The following MAGI2 variants were observed in gnomAD, a reference collection of about 807,000 sequenced individuals.
MAGI2 encodes membrane-associated guanylate kinase, WW and PDZ domain-containing protein 2.
In MAGI2, 35 loss-of-function variants were observed where a neutral mutation model predicts 133.3. The observed-to-expected ratio is 0.26, with a 90% CI of 0.20 to 0.35. The LOEUF (loss-of-function observed/expected upper bound fraction) is 0.35, where lower values mean the gene tolerates loss of function less well. Ranked by LOEUF, MAGI2 falls within the 10% of genes least tolerant of loss-of-function variation. The probability of loss-of-function intolerance (pLI) is 1.00; values close to 1 mark genes in which losing one functional copy is unlikely to be tolerated. For synonymous variants in MAGI2, 729 were observed against 710.6 expected (o/e 1.03, Z -0.41); for missense variants, 1,636 against 1,863.4 (o/e 0.88, Z 2.25).
intron 2 of MAGI2, among the ~76,000 whole-genome samples, chr7:78,687,454 T>C (rs540837346): frequency 2.2e-4 from 33 of 152,316 alleles, no homozygotes; most frequent in African/African-American, 7.7e-4. Flanking sequence ...ATGCTAGGCA[T>C]AATTTTTAAA....
At chr7:78,571,083 G>A (rs995126426) in intron 3 of MAGI2, among the ~76,000 whole-genome samples, 3 of 152,170 alleles carry the variant, frequency 2.0e-5, no homozygotes, top group Non-Finnish European at 2.9e-5. Context: ...TCTCCTCGAA[G>A]TGAAATGCTC....
intron 5 of MAGI2, 178 bp from the exon 6 acceptor site, chr7:78,490,018 T>C: frequency 2.0e-6 from 1 of 498,388 alleles, no homozygotes. Context: ...CAGCTGTAAA[T>C]TTGGCAACCT....
intron 1 of MAGI2, among the ~76,000 whole-genome samples, chr7:79,075,551 A>C (rs1815386724): frequency 6.6e-6 from 1 of 152,170 alleles, no homozygotes; most frequent in African/African-American, 2.4e-5. Flanking sequence ...GTTTGAGCCC[A>C]GGAGTTCAAG....
At chr7:78,652,343 A>G (rs888193687) in intron 2 of MAGI2, among the ~76,000 whole-genome samples, 4 of 152,166 alleles carry the variant, frequency 2.6e-5, no homozygotes, top group Non-Finnish European at 5.9e-5. Flanking sequence ...ATTCAATACA[A>G]TAATATCAAG....
intron 2 of MAGI2, among the ~76,000 whole-genome samples, chr7:78,645,117 T>C (rs1484190229): frequency 3.3e-5 from 5 of 152,112 alleles, no homozygotes; most frequent in Non-Finnish European, 7.4e-5. Flanking sequence ...TGTGCGTGTG[T>C]GTGTGTGTGT....
In MAGI2 at chr7:78,938,540, T is replaced by C. The variant is rs540760699; in HGVS notation, c.418+68550A>G. 8.5e-5 allele frequency among the ~76,000 whole-genome samples: 13 copies of C among 152,196 alleles called. No homozygotes were observed. In the South Asian group the frequency reaches 1.7e-3, roughly 19 times the overall value. The stretch of plus-strand genomic sequence containing the variant: ...GGTTATAAGCACACAAAATAAGAAA[T>C]GATACATGATTGAAACTAAAGGCTG... On this transcript the variant is annotated intron_variant, in intron 2 of 21. Transcript: ENST00000354212.
At chr7:79,167,398 A>AG (rs1037412908) in intron 1 of MAGI2, among the ~76,000 whole-genome samples, 22 of 8,978 alleles carry the variant, frequency 2.5e-3, no homozygotes, top group Non-Finnish European at 1.5e-3. Context: ...CAAAAATGGC[A>AG]AAAAAAAAAA....
chr7:78,749,355 G>A (rs763204863), intron 2 of MAGI2, among the ~76,000 whole-genome samples: 3 of 152,106 alleles, frequency 2.0e-5, no homozygotes, highest in Admixed American at 6.6e-5. Context: ...GCACAAAGTC[G>A]TGTTTTCATG....
chr7:79,444,368 C>A (rs1848701733), intron 1 of MAGI2, among the ~76,000 whole-genome samples: 1 of 152,166 alleles, frequency 6.6e-6, no homozygotes, highest in African/African-American at 2.4e-5. Context: ...AAGAGGAAGT[C>A]AAATTGTCCC....
At chr7:78,152,852 T>C (rs996869539) in intron 16 of MAGI2, among the ~76,000 whole-genome samples, 1 of 152,256 alleles carries the variant, frequency 6.6e-6, no homozygotes. Context: ...CTCAGCATAA[T>C]CAAAGCCCAC....
intron 6 of MAGI2, among the ~76,000 whole-genome samples, chr7:78,396,453 C>T (rs1051194722): frequency 3.3e-5 from 5 of 152,090 alleles, no homozygotes; most frequent in Non-Finnish European, 7.4e-5. Context: ...CTTTACTTTA[C>T]TTGGAACGTT....
intron 2 of MAGI2, among the ~76,000 whole-genome samples, chr7:78,704,589 C>T (rs1202910088): frequency 6.6e-6 from 1 of 151,970 alleles, no homozygotes; most frequent in African/African-American, 2.4e-5. Flanking sequence ...GGTATAGAGA[C>T]ACATGCATGC....
At chr7:79,085,104 T>C (rs996861876) in intron 1 of MAGI2, among the ~76,000 whole-genome samples, 1 of 151,790 alleles carries the variant, frequency 6.6e-6, no homozygotes, top group Non-Finnish European at 1.5e-5. Context: ...ATTTTCATTG[T>C]GAGTACATTG....
At chr7:79,060,418 A>G (rs1294560446) in intron 1 of MAGI2, among the ~76,000 whole-genome samples, 1 of 152,104 alleles carries the variant, frequency 6.6e-6, no homozygotes. Context: ...AAGTATTGGA[A>G]TATGGATACT....
At chr7:79,359,672 ACAC>A in intron 1 of MAGI2, among the ~76,000 whole-genome samples, 1 of 41,172 alleles carries the variant, frequency 2.4e-5, no homozygotes, top group South Asian at 1.0e-3. Context: ...AGTGGGAAAC[ACAC>A]ACACACACAC....
chr7:78,368,121 G>C (rs1793567660), intron 7 of MAGI2, among the ~76,000 whole-genome samples: 1 of 152,174 alleles, frequency 6.6e-6, no homozygotes, highest in Non-Finnish European at 1.5e-5. Context: ...GGTGAATGTA[G>C]TTAAGACAAG....
intron 4 of MAGI2, among the ~76,000 whole-genome samples, chr7:78,505,457 C>T (rs1795000966): frequency 6.6e-6 from 1 of 152,020 alleles, no homozygotes; most frequent in African/African-American, 2.4e-5. Context: ...AAACAGGTAC[C>T]ACTGCTAACT....
intron 1 of MAGI2, among the ~76,000 whole-genome samples, chr7:79,445,364 C>CAG (rs1319883269): frequency 6.6e-6 from 1 of 152,188 alleles, no homozygotes; most frequent in Non-Finnish European, 1.5e-5. Flanking sequence ...AAACTACCAT[C>CAG]AGAGTGAATA....
rs369737459 is a variant in MAGI2, at chr7:78,501,685, T to G, written c.857A>C (p.Gln286Pro). 10 of 1,614,162 alleles carry G rather than the reference T, an allele frequency of 6.2e-6. No homozygotes were observed. In the South Asian group the frequency reaches 1.1e-4, roughly 18 times the overall value. Residue 286 changes from glutamine (Q) to proline (P), a missense_variant, in exon 5 of 22, where the codon CAG becomes CCG. Physicochemically the swap from Gln to Pro is moderately conservative, Grantham distance 76. Around this residue, in one of 5 missense-constraint regions of MAGI2, gnomAD observed 165 missense variants for 128.4 expected, o/e 1.28. Transcript: ENST00000354212. ...VYSQPEELKE[Q>P]MDDTKPTKPE... The stretch of plus-strand genomic sequence containing the variant: ...TTTAGTTGGCTTTGTGTCATCCATC[T>G]GCTCCTTCAGCTCCTCAGGCTGACT...
Sources: allele counts gnomAD v4.1 joint callset (sites outside exome capture counted in the v4.1 genomes callset), GRCh38; gene constraint gnomAD v4.1.1; regional missense constraint gnomAD v4.1.1; transcripts MANE v1.5; gene names NCBI Gene and HGNC (gene_info 2026-07-23, HGNC 2026-07-21).